The following MBNL2 variants were observed in gnomAD, a reference collection of about 807,000 sequenced individuals.
MBNL2 encodes muscleblind like splicing regulator 2, also known as muscleblind-like protein 2.
In MBNL2, 17 loss-of-function variants were observed where a neutral mutation model predicts 41.9. That is an observed-to-expected ratio of 0.41 (90% CI 0.28 to 0.61). The LOEUF (loss-of-function observed/expected upper bound fraction) is 0.61, where lower values mean the gene tolerates loss of function less well. MBNL2 is among the 20% of genes least tolerant of loss of function. The probability of loss-of-function intolerance (pLI) is 0.35; values close to 1 mark genes in which losing one functional copy is unlikely to be tolerated. For missense variants in MBNL2, 336 were observed against 505.6 expected (o/e 0.66, Z 3.22); for synonymous variants, 195 against 182.9 (o/e 1.07, Z -0.53).
At chr13:97,280,311 T>C (rs1031825797) in intron 2 of MBNL2, among the ~76,000 whole-genome samples, 4 of 152,232 alleles carry the variant, frequency 2.6e-5, no homozygotes, top group Non-Finnish European at 5.9e-5. Context: ...CTTTAATGCT[T>C]ATTAAGACTA....
Position 97,346,454 on chromosome 13 carries a change from T to A in MBNL2, c.541-350T>A, listed in dbSNP as rs2061879278. Among the ~76,000 whole-genome samples, 1 of 152,082 alleles carries A rather than the reference T, an allele frequency of 6.6e-6. No individual in the cohort carries two copies. Among genetic ancestry groups the A allele is most frequent in the African/African-American group, 2.4e-5 (1 of 41,426 alleles). ...GATAAATAGATAGATGATAGATATA[T>A]GGATGGATGGATAGACAGACAGACA... On this transcript the variant is annotated intron_variant, in intron 4 of 8. Coordinates refer to ENST00000679496, the MANE Select transcript of MBNL2 (RefSeq NM_001382683.1). The surrounding 1 kb of genome is among the most constrained non-coding windows in gnomAD (Gnocchi z 4.2).
chr13:97,370,387 G>A (rs1264520187), intron 8 of MBNL2, among the ~76,000 whole-genome samples: 2 of 152,084 alleles, frequency 1.3e-5, no homozygotes, highest in Non-Finnish European at 2.9e-5. Flanking sequence ...ACCATATAAT[G>A]GGCCAGGCGC....
intron 2 of MBNL2, among the ~76,000 whole-genome samples, chr13:97,288,600 T>C (rs2055148508): frequency 6.6e-6 from 1 of 152,224 alleles, no homozygotes. Flanking sequence ...ACCAGGTTTG[T>C]TCTGCAGGAG....
intron 1 of MBNL2, among the ~76,000 whole-genome samples, chr13:97,225,001 T>C (rs1373968699): frequency 6.6e-6 from 1 of 152,182 alleles, no homozygotes; most frequent in East Asian, 1.9e-4. Context: ...GAAAGTGGAG[T>C]AAATAAGAGA....
intron 3 of MBNL2, among the ~76,000 whole-genome samples, chr13:97,338,891 CCTA>C (rs1219807230): frequency 6.6e-6 from 1 of 152,170 alleles, no homozygotes; most frequent in Non-Finnish European, 1.5e-5. Flanking sequence ...GGCATTCTCG[CCTA>C]CTGACTGCAC....
chr13:97,306,508 G>C (rs1389310490), intron 2 of MBNL2, among the ~76,000 whole-genome samples: 1 of 152,132 alleles, frequency 6.6e-6, no homozygotes, highest in Non-Finnish European at 1.5e-5. Context: ...GTCACTCCTT[G>C]CCAGGACTGT....
At chr13:97,226,021 GT>G (rs553659328) in intron 1 of MBNL2, among the ~76,000 whole-genome samples, 18 of 149,606 alleles carry the variant, frequency 1.2e-4, no homozygotes, top group African/African-American at 2.2e-4. Context: ...ACTCTTCTCA[GT>G]TTTTTTTTTC....
chr13:97,208,194 A>G, the MBNL2 span, among the ~76,000 whole-genome samples: 1 of 152,242 alleles, frequency 6.6e-6, no homozygotes, highest in African/African-American at 2.4e-5. Flanking sequence ...GTGCAATGTG[A>G]ATCTCCAAGT....
the MBNL2 span, among the ~76,000 whole-genome samples, chr13:97,147,474 A>ATT: frequency 6.7e-6 from 1 of 149,928 alleles, no homozygotes; most frequent in East Asian, 2.0e-4. Context: ...ATCTGGAATG[A>ATT]TTTTTTTTTT....
chr13:97,349,343 A>G (rs756926188), intron 5 of MBNL2, among the ~76,000 whole-genome samples: 14 of 152,212 alleles, frequency 9.2e-5, no homozygotes, highest in Non-Finnish European at 2.1e-4. Context: ...CAGAGCACAA[A>G]TGAGATCTTT....
chr13:97,315,995 A>G (rs931580012), intron 2 of MBNL2, among the ~76,000 whole-genome samples: 5 of 152,158 alleles, frequency 3.3e-5, no homozygotes, highest in Non-Finnish European at 7.3e-5. Context: ...TCATACGCCA[A>G]TGACTTCCAG....
At chr13:97,347,206 G>GTTGTTTTCCCCCTTTTTGTTTTGTT (rs1326364387) in intron 5 of MBNL2, 139 bp downstream of exon 5, 18 of 679,206 alleles carry the variant, frequency 2.7e-5, no homozygotes, top group Non-Finnish European at 4.2e-5. Context: ...AAGTTTTGCT[G>GTTGTTTTCCCCCTTTTTGTTTTGTT]TTGTTTTCCC....
chr13:97,287,607 C>A (rs1017511964), intron 2 of MBNL2, among the ~76,000 whole-genome samples: 1 of 151,920 alleles, frequency 6.6e-6, no homozygotes, highest in African/African-American at 2.4e-5. Context: ...AACTTATTCC[C>A]CCGATCTAGC....
the MBNL2 span, among the ~76,000 whole-genome samples, chr13:97,197,975 A>T: frequency 6.6e-6 from 1 of 152,064 alleles, no homozygotes; most frequent in Non-Finnish European, 1.5e-5. Flanking sequence ...TGAATCTCAG[A>T]CTCATATTGA....
At chr13:97,173,649 C>T in the MBNL2 span, among the ~76,000 whole-genome samples, 2 of 152,104 alleles carry the variant, frequency 1.3e-5, no homozygotes, top group Non-Finnish European at 2.9e-5. Flanking sequence ...CAAAGAAGCC[C>T]GTGATCCAGC....
At chr13:97,219,520 G>GT (rs1348674387), upstream of MBNL2, among the ~76,000 whole-genome samples, 4 of 152,224 alleles carry the variant, frequency 2.6e-5, no homozygotes, top group Non-Finnish European at 1.5e-5. Context: ...TCAGGTTCTG[G>GT]TGAGGTCTCT....
chr13:97,364,593 G>T (rs908115477), intron 7 of MBNL2, among the ~76,000 whole-genome samples: 1 of 152,122 alleles, frequency 6.6e-6, no homozygotes, highest in Non-Finnish European at 1.5e-5. Context: ...TTTTCATACC[G>T]TTGGTGACAC....
chr13:97,221,157 C>T (rs1161403108), upstream of MBNL2, among the ~76,000 whole-genome samples: 1 of 152,142 alleles, frequency 6.6e-6, no homozygotes. Flanking sequence ...TACAGATGCG[C>T]TGAACAGTTG....
chr13:97,256,834 C>G (rs1022577329), intron 1 of MBNL2, among the ~76,000 whole-genome samples: 1 of 152,124 alleles, frequency 6.6e-6, no homozygotes, highest in African/African-American at 2.4e-5. Context: ...AATCATTTCT[C>G]ATTTAGAGGC....
Sources: gnomAD v4.1 joint callset for allele counts (sites outside exome capture counted in the v4.1 genomes callset) on GRCh38, gnomAD v4.1.1 for gene constraint, Gnocchi (gnomAD v3.1) non-coding constraint, MANE v1.5 for transcripts, NCBI Gene and HGNC (gene_info 2026-07-23, HGNC 2026-07-21) for gene names.